The following DPP10 variants were observed in gnomAD, a reference collection of about 807,000 sequenced individuals.
DPP10 encodes inactive dipeptidyl peptidase 10.
In DPP10, 33 loss-of-function variants were observed where a neutral mutation model predicts 120.9. That is an observed-to-expected ratio of 0.27 (90% CI 0.21 to 0.37). DPP10 has a LOEUF of 0.37. DPP10 is among the 10% of genes least tolerant of loss of function. The pLI is 1.00. For synonymous variants in DPP10, 337 were observed against 326.1 expected (o/e 1.03, Z -0.36); for missense variants, 816 against 942.8 (o/e 0.87, Z 1.76).
At chr2:114,676,368 G>T (rs976795398) in intron 1 of DPP10, among the ~76,000 whole-genome samples, 1 of 152,084 alleles carries the variant, frequency 6.6e-6, no homozygotes, top group Non-Finnish European at 1.5e-5. Context: ...ATAGGACAGT[G>T]GCTACTTCTG....
At chr2:115,440,785 A>T (rs1182336860) in intron 3 of DPP10, 1 of 152,242 alleles carries the variant, frequency 6.6e-6, no homozygotes, top group Non-Finnish European at 1.5e-5. Flanking sequence ...TAAATCTTTC[A>T]TTATAATTAG....
intron 1 of DPP10, among the ~76,000 whole-genome samples, chr2:115,299,635 T>C (rs765017773): frequency 3.3e-5 from 5 of 152,168 alleles, no homozygotes; most frequent in Admixed American, 1.3e-4. Context: ...ATAAATTCAA[T>C]CTATAAAATA....
intron 1 of DPP10, among the ~76,000 whole-genome samples, chr2:115,100,797 T>C (rs1197590455): frequency 1.3e-5 from 2 of 152,136 alleles, no homozygotes; most frequent in Admixed American, 1.3e-4. Flanking sequence ...CATCCACATA[T>C]CTAATTTCCA....
chr2:115,485,962 A>C (rs1178129531), intron 3 of DPP10, among the ~76,000 whole-genome samples: 1 of 152,120 alleles, frequency 6.6e-6, no homozygotes, highest in Non-Finnish European at 1.5e-5. Flanking sequence ...ACATAGTATA[A>C]TGCCTAATCT....
At chr2:114,682,580 T>A (rs1285579747) in intron 1 of DPP10, among the ~76,000 whole-genome samples, 1 of 151,188 alleles carries the variant, frequency 6.6e-6, no homozygotes, top group Non-Finnish European at 1.5e-5. Context: ...ATTATTATTA[T>A]TATTATTATT....
At chr2:114,602,518 A>G (rs1363597292) in intron 1 of DPP10, among the ~76,000 whole-genome samples, 3 of 152,012 alleles carry the variant, frequency 2.0e-5, no homozygotes, top group Non-Finnish European at 4.4e-5. Context: ...TGGGCCAGAG[A>G]GATTCCATGC....
intron 3 of DPP10, among the ~76,000 whole-genome samples, chr2:115,486,954 G>A (rs2105316390): frequency 6.6e-6 from 1 of 152,146 alleles, no homozygotes; most frequent in South Asian, 2.1e-4. Context: ...AATTAATAAT[G>A]ATTACTTACA....
At chr2:115,515,244 G>A (rs2077440103) in intron 4 of DPP10, among the ~76,000 whole-genome samples, 1 of 152,058 alleles carries the variant, frequency 6.6e-6, no homozygotes, top group African/African-American at 2.4e-5. Context: ...ATATATTCCA[G>A]TGTATTGGTG....
chr2:114,941,736 A>C (rs994082999), intron 1 of DPP10, among the ~76,000 whole-genome samples: 9 of 152,160 alleles, frequency 5.9e-5, no homozygotes, highest in Admixed American at 1.3e-4. Flanking sequence ...CATCTATACC[A>C]GGTAATAGAC....
At chr2:115,775,768 TA>T (rs1682024311) in intron 13 of DPP10, among the ~76,000 whole-genome samples, 1 of 152,084 alleles carries the variant, frequency 6.6e-6, no homozygotes, top group African/African-American at 2.4e-5. Flanking sequence ...CTAAACCAAT[TA>T]TTGACAAGTT....
intron 1 of DPP10, among the ~76,000 whole-genome samples, chr2:114,886,755 T>C (rs1400129732): frequency 1.3e-5 from 2 of 152,352 alleles, no homozygotes; most frequent in African/African-American, 4.8e-5. Flanking sequence ...TTTTCTCTTC[T>C]TTCTTGTGCA....
chr2:114,865,460 T>C (rs562249393), intron 1 of DPP10, among the ~76,000 whole-genome samples: 1 of 152,348 alleles, frequency 6.6e-6, no homozygotes, highest in South Asian at 2.1e-4. Flanking sequence ...TGAAAACGAA[T>C]GGCTTACTTT....
At chr2:114,576,123 C>A (rs564970330) in intron 1 of DPP10, among the ~76,000 whole-genome samples, 58 of 152,208 alleles carry the variant, frequency 3.8e-4, no homozygotes, top group African/African-American at 1.3e-3. Flanking sequence ...ATGGCAGTGC[C>A]AAGATGGTGG....
At chr2:115,769,629 T>A (rs981745762) in intron 13 of DPP10, among the ~76,000 whole-genome samples, 1 of 152,040 alleles carries the variant, frequency 6.6e-6, no homozygotes, top group Non-Finnish European at 1.5e-5. Flanking sequence ...TGTGATCCTA[T>A]TTATGCTCTA....
intron 1 of DPP10, among the ~76,000 whole-genome samples, chr2:114,456,742 A>G (rs1341389410): frequency 6.6e-6 from 1 of 152,226 alleles, no homozygotes; most frequent in East Asian, 1.9e-4. Flanking sequence ...CATTTAAAGT[A>G]CTGGGCTGAA....
rs1183208904 is a variant in DPP10, at chr2:115,008,578, G to A, written c.61-300661G>A. Among the ~76,000 whole-genome samples, 45 of 100,784 alleles carry A rather than the reference G, an allele frequency of 4.5e-4. 10 individuals are homozygous for A. Among genetic ancestry groups the A allele is most frequent in the Admixed American group, 6.8e-4 (7 of 10,284 alleles). 66.1% of individuals were successfully genotyped at this position (100,784 alleles called of 152,430 possible). A position where few individuals can be genotyped will look rare whatever the true frequency, so the allele number is the denominator to read the frequency against. On this transcript the variant is annotated intron_variant, in intron 1 of 25. Coordinates refer to ENST00000410059, the MANE Select transcript of DPP10 (RefSeq NM_020868.6). Reference sequence around the variant, plus strand: ...GCAACAAAAGGCAAAATTGACAAATGGGATCTAATTAAAGTAAAGAGCTTC... The same window carrying A: ...GCAACAAAAGGCAAAATTGACAAATAGGATCTAATTAAAGTAAAGAGCTTC...
chr2:115,682,147 TTTAAACTTATTTCGCTATAAATGAAAAA>T (rs1340344374), intron 5 of DPP10, among the ~76,000 whole-genome samples: 1 of 151,992 alleles, frequency 6.6e-6, no homozygotes, highest in Non-Finnish European at 1.5e-5. Flanking sequence ...TGAGACAATG[TTTAAACTTATTTCGCTATAAATGAAAAA>T]TCGCTTGTAC....
At chr2:115,541,593 G>A (rs1052672121) in intron 5 of DPP10, among the ~76,000 whole-genome samples, 1 of 151,838 alleles carries the variant, frequency 6.6e-6, no homozygotes, top group African/African-American at 2.4e-5. Flanking sequence ...ATTTGCTAAA[G>A]ATCTGCTGGA....
chr2:115,247,735 C>T (rs1319080749), intron 1 of DPP10, among the ~76,000 whole-genome samples: 1 of 151,934 alleles, frequency 6.6e-6, no homozygotes, highest in Non-Finnish European at 1.5e-5. Flanking sequence ...AACAAAGAAA[C>T]AGAAATGCAG....
Sources: allele counts gnomAD v4.1 joint callset (sites outside exome capture counted in the v4.1 genomes callset), GRCh38; gene constraint gnomAD v4.1.1; transcripts MANE v1.5; gene names NCBI Gene and HGNC (gene_info 2026-07-23, HGNC 2026-07-21).